ST3GAL4: variants seen among roughly 807,000 people sequenced by gnomAD.
ST3GAL4 encodes CMP-N-acetylneuraminate-beta-galactosamide-alpha-2,3-sialyltransferase 4.
Under a neutral mutation model 42.6 loss-of-function variants are expected in ST3GAL4, and 24 were observed. The observed-to-expected ratio is 0.56, with a 90% CI of 0.41 to 0.79. The LOEUF (loss-of-function observed/expected upper bound fraction) is 0.79. ST3GAL4 is among the 30% of genes least tolerant of loss of function. ST3GAL4 has a pLI of 0.00. For synonymous variants in ST3GAL4, 135 were observed against 163.2 expected (o/e 0.83, Z 1.32); for missense variants, 311 against 430.8 (o/e 0.72, Z 2.46).
chr11:126,364,145 G>GTTA, intron 1 of ST3GAL4, among the ~76,000 whole-genome samples: 1 of 152,248 alleles, frequency 6.6e-6, no homozygotes, highest in Non-Finnish European at 1.5e-5. Flanking sequence ...ATGGGGAACA[G>GTTA]CTGCGCTGGC....
intron 1 of ST3GAL4, among the ~76,000 whole-genome samples, chr11:126,361,459 C>T (rs1447753173): frequency 6.6e-6 from 1 of 151,562 alleles, no homozygotes; most frequent in East Asian, 1.9e-4. Context: ...GGTCTCACCT[C>T]CTCGCCTTTG....
intron 4 of ST3GAL4, 78 bp from the exon 5 acceptor site, chr11:126,407,174 T>C: frequency 6.5e-7 from 1 of 1,528,678 alleles, no homozygotes. Context: ...CTTATAATAT[T>C]AGTCATGGGC....
intron 1 of ST3GAL4, among the ~76,000 whole-genome samples, chr11:126,369,471 C>A (rs1952559858): frequency 6.6e-6 from 1 of 152,166 alleles, no homozygotes; most frequent in Non-Finnish European, 1.5e-5. Context: ...TGGTCTCGAT[C>A]TCCTGACCTC....
At chr11:126,358,557 G>A (rs1432432658) in intron 1 of ST3GAL4, 3 of 434,618 alleles carry the variant, frequency 6.9e-6, no homozygotes, top group Admixed American at 2.4e-5. Context: ...GAAGTGGTCA[G>A]TGTAGCTTCA....
At chr11:126,401,055 C>T (rs1195024984) in intron 1 of ST3GAL4, among the ~76,000 whole-genome samples, 1 of 152,064 alleles carries the variant, frequency 6.6e-6, no homozygotes, top group Non-Finnish European at 1.5e-5. Flanking sequence ...GAGAGTCCAG[C>T]TTTGAACATC....
intron 9 of ST3GAL4, 155 bp from the exon 10 acceptor site, chr11:126,413,350 C>A: frequency 2.7e-6 from 2 of 744,838 alleles, no homozygotes; most frequent in Non-Finnish European, 4.2e-6. Flanking sequence ...GCACTGGCCC[C>A]ATTTGCGTGC....
At position 126,383,108 on chromosome 11, in the gene ST3GAL4, C is replaced by T. The variant is rs1459019219; in HGVS notation, c.-60-22988C>T. Among the ~76,000 whole-genome samples, 1 of 152,188 alleles carries T rather than the reference C, an allele frequency of 6.6e-6. No homozygotes were observed. Among genetic ancestry groups the T allele is most frequent in the African/African-American group, 2.4e-5 (1 of 41,438 alleles). On this transcript the variant is annotated intron_variant, in intron 1 of 10. Coordinates refer to ENST00000444328, the MANE Select transcript of ST3GAL4 (RefSeq NM_001254757.2). This position sits in a 1 kb window ranked among gnomAD's most constrained non-coding sequence, Gnocchi z 4.5. ...GCAGCAGGCTCTGCAGTACCCTCGG[C>T]CAAATGGCCACAGGCTGCCCTGGGA... is the stretch of plus-strand genomic sequence containing the variant.
intron 9 of ST3GAL4, among the ~76,000 whole-genome samples, chr11:126,412,579 C>T (rs553355476): frequency 8.5e-5 from 13 of 152,296 alleles, no homozygotes; most frequent in East Asian, 7.7e-4. Flanking sequence ...CCATGGCTCA[C>T]GCCTGTAATC....
rs1036334534 is a variant in ST3GAL4, at chr11:126,379,453, G to C, written c.-61+23611G>C. On this transcript the variant is annotated intron_variant, in intron 1 of 10. Coordinates refer to ENST00000444328, the MANE Select transcript of ST3GAL4 (RefSeq NM_001254757.2). The surrounding 1 kb of genome is among the most constrained non-coding windows in gnomAD (Gnocchi z 4.2). ...CTACTTTTATGGAAGGATTTCTCTTGGGTATCCTTAATTTTGTTTTTATAT... is the reference window on the plus strand; with the variant it reads ...CTACTTTTATGGAAGGATTTCTCTTCGGTATCCTTAATTTTGTTTTTATAT... Among the ~76,000 whole-genome samples, 41 of 152,034 alleles carry C rather than the reference G, an allele frequency of 2.7e-4. No homozygotes were observed. The highest frequency in any genetic ancestry group is 9.9e-4 in the African/African-American group (41 of 41,420).
chr11:126,397,110 C>T lies in ST3GAL4; in HGVS notation c.-60-8986C>T, dbSNP rs1444281516. On this transcript the variant is annotated intron_variant, in intron 1 of 10. Coordinates refer to ENST00000444328, the MANE Select transcript of ST3GAL4 (RefSeq NM_001254757.2). The surrounding 1 kb of genome is among the most constrained non-coding windows in gnomAD (Gnocchi z 5.0). ...TGCAGAGATTGAGAGATCCTGGTTTCGCGTTTTGAGCGTGCAGTACATTTC... is the reference window on the plus strand; with the variant it reads ...TGCAGAGATTGAGAGATCCTGGTTTTGCGTTTTGAGCGTGCAGTACATTTC... Among the ~76,000 whole-genome samples the T allele has an allele frequency of 3.3e-5, 5 of 152,064 alleles. No homozygotes were observed. Among genetic ancestry groups the T allele is most frequent in the East Asian group, 1.9e-4 (1 of 5,194 alleles).
At chr11:126,362,514 T>G (rs1565391653) in intron 1 of ST3GAL4, among the ~76,000 whole-genome samples, 2 of 152,196 alleles carry the variant, frequency 1.3e-5, no homozygotes, top group African/African-American at 4.8e-5. Flanking sequence ...CCAACACTTC[T>G]TAATGGGATA....
intron 1 of ST3GAL4, among the ~76,000 whole-genome samples, chr11:126,368,591 A>G (rs1952522392): frequency 6.6e-6 from 1 of 152,232 alleles, no homozygotes; most frequent in Non-Finnish European, 1.5e-5. Context: ...ACCTCACTTT[A>G]GAGAGGGCTG....
chr11:126,356,113 G>C (rs1191932932), intron 1 of ST3GAL4: 1 of 152,304 alleles, frequency 6.6e-6, no homozygotes, highest in African/African-American at 2.4e-5. Context: ...GAAAGTTTCC[G>C]CCCCCAATCC....
At chr11:126,377,327 C>A (rs754531740) in intron 1 of ST3GAL4, among the ~76,000 whole-genome samples, 11 of 152,016 alleles carry the variant, frequency 7.2e-5, no homozygotes, top group Non-Finnish European at 1.6e-4. Context: ...TGTACCACCA[C>A]ACCCAGCTAA....
At chr11:126,412,135 A>G (rs1381478588) in intron 9 of ST3GAL4, among the ~76,000 whole-genome samples, 6 of 152,024 alleles carry the variant, frequency 3.9e-5, no homozygotes, top group East Asian at 1.9e-4. Flanking sequence ...ACTAATAGAG[A>G]GAGAGTGCAA....
At chr11:126,388,660 G>GTTTTTTTTTTTTTTT (rs10599019) in intron 1 of ST3GAL4, among the ~76,000 whole-genome samples, 3 of 79,280 alleles carry the variant, frequency 3.8e-5, no homozygotes, top group African/African-American at 1.6e-4. Flanking sequence ...TAGGTTTCTT[G>GTTTTTTTTTTTTTTT]TTTTTTTTTT....
At chr11:126,394,043 G>C (rs961548639) in intron 1 of ST3GAL4, among the ~76,000 whole-genome samples, 1 of 152,232 alleles carries the variant, frequency 6.6e-6, no homozygotes, top group African/African-American at 2.4e-5. Context: ...GCCTGGGACT[G>C]GGGTGACCAA....
chr11:126,363,281 A>C lies in ST3GAL4; in HGVS notation c.-61+7439A>C, dbSNP rs1022107070. 6.6e-6 allele frequency among the ~76,000 whole-genome samples: 1 copy of C among 151,922 alleles called. No individual in the cohort carries two copies. The highest frequency in any genetic ancestry group is 2.4e-5 in the African/African-American group (1 of 41,334). On this transcript the variant is annotated intron_variant, in intron 1 of 10. Transcript: ENST00000444328. The surrounding 1 kb of genome is among the most constrained non-coding windows in gnomAD (Gnocchi z 4.6). ...TCTTTCCACCCCTAGATTTCTCACC[A>C]TCTTCAGTGATCCCTCCTCCTTCCT...
chr11:126,405,588 T>G, intron 1 of ST3GAL4: 1 of 170,756 alleles, frequency 5.9e-6, no homozygotes, highest in South Asian at 1.5e-4. Context: ...AGCAAACCTG[T>G]TTGGCTGGAT....
Sources: allele counts gnomAD v4.1 joint callset (sites outside exome capture counted in the v4.1 genomes callset), GRCh38; gene constraint gnomAD v4.1.1; non-coding constraint Gnocchi (gnomAD v3.1); transcripts MANE v1.5; gene names NCBI Gene and HGNC (gene_info 2026-07-23, HGNC 2026-07-21).